The following PAN2 variants were observed in gnomAD, a reference collection of about 807,000 sequenced individuals.
PAN2 encodes PAN2-PAN3 deadenylation complex catalytic subunit PAN2.
In PAN2, 68 loss-of-function variants were observed where a neutral mutation model predicts 133.3. The observed-to-expected ratio is 0.51, with a 90% CI of 0.42 to 0.62. The LOEUF is 0.62. PAN2 is among the 20% of genes least tolerant of loss of function. The pLI, the probability that PAN2 is intolerant of heterozygous loss-of-function variation, is 0.00. For synonymous variants in PAN2, 462 were observed against 544.6 expected, an observed-to-expected ratio of 0.85 and a Z score of 2.11; for missense variants, 1,042 against 1,500.5, an observed-to-expected ratio of 0.69 and a Z score of 5.05.
At chr12:56,330,735 C>T (rs943538953) in intron 2 of PAN2, among the ~76,000 whole-genome samples, 1 of 152,096 alleles carries the variant, frequency 6.6e-6, no homozygotes. Context: ...TCAAGCAACC[C>T]TCCCACCTTG....
Position 56,322,647 on chromosome 12 carries a change from T to C in PAN2, c.2605A>G (p.Lys869Glu), listed in dbSNP as rs1874685897. 6.2e-7 allele frequency: 1 copy of C among 1,614,004 alleles called. No homozygotes were observed. The highest frequency in any genetic ancestry group is 1.7e-5 in the Admixed American group (1 of 59,998). Reference sequence around the variant, plus strand: ...CGCTGGTGGTAGGTCTCTCCAACTTTGATGTGAGCCACCAGGCTGCCCCCT... The same window carrying C: ...CGCTGGTGGTAGGTCTCTCCAACTTCGATGTGAGCCACCAGGCTGCCCCCT... ...RTGGSLVAHIKVGETYHQRKE... is the reference protein window; with the variant it reads ...RTGGSLVAHIEVGETYHQRKE... Residue 869 changes from lysine to glutamate, a missense_variant, in exon 18 of 26, where the codon AAA becomes GAA. Coordinates refer to ENST00000440411, the MANE Select transcript of PAN2 (RefSeq NM_014871.6).
intron 4 of PAN2, 48 bp downstream of exon 4, chr12:56,328,189 CG>C (rs748874243): frequency 6.3e-7 from 1 of 1,593,040 alleles, no homozygotes; most frequent in South Asian, 1.1e-5. Context: ...ACCCTGCCCC[CG>C]CAACAACCTC....
chr12:56,323,368 G>T lies in PAN2; in HGVS notation c.2288C>A (p.Ala763Glu). 1 of 1,613,800 alleles carries T rather than the reference G, an allele frequency of 6.2e-7. No individual in the cohort carries two copies. Among genetic ancestry groups the T allele is most frequent in the Non-Finnish European group, 8.5e-7 (1 of 1,179,954 alleles). Residue 763 changes from alanine (A) to glutamate (E), a missense_variant, in exon 16 of 26, where the codon GCA (alanine) becomes GAA (glutamate). Ala to Glu is a moderately radical substitution (Grantham distance 107). This residue lies in a region of PAN2 where 908 missense variants were observed against 1,223.5 expected (regional missense o/e 0.74). Transcript: ENST00000440411. ...GATTTCCCCACCGTGTTTCTTTACT[G>T]CCATCTTGAAGGCAACCTGAACACA... is the stretch of plus-strand genomic sequence containing the variant. ...RMQAEVAFKMAVKKHGGEISK... is the reference protein window; with the variant it reads ...RMQAEVAFKMEVKKHGGEISK...
chr12:56,324,218 AG>A (rs777227815), intron 12 of PAN2, 33 bp from the exon 13 acceptor site: 1 of 1,612,096 alleles, frequency 6.2e-7, no homozygotes, highest in Non-Finnish European at 8.5e-7. Context: ...ATGCACATTG[AG>A]GAAGTTAGGA....
At position 56,322,038 on chromosome 12, in the gene PAN2, T is replaced by A. The variant is rs764998056; in HGVS notation, c.2788+40A>T. On this transcript the variant is annotated intron_variant, in intron 20 of 25. Transcript: ENST00000440411. ...CCAGATCTCACCCTGAAGCCCAATC[T>A]AAACTGTCCACACACTTGGGTCTAC... 9.9e-6 allele frequency: 11 copies of A among 1,106,898 alleles called. No individual in the cohort carries two copies. In the African/African-American group the frequency reaches 1.2e-4, roughly 12 times the overall value. 68.6% of individuals were successfully genotyped at this position (1,106,898 alleles called of 1,614,324 possible).
At position 56,329,737 on chromosome 12, in the gene PAN2, A is replaced by T. The variant is rs1025645311; in HGVS notation, c.283-1096T>A. ...GGCAGGTGGATCACTTGAGGCCAGGAGTTTGACACCAGCCTGGCCAACATG... is the reference window on the plus strand; with the variant it reads ...GGCAGGTGGATCACTTGAGGCCAGGTGTTTGACACCAGCCTGGCCAACATG... On this transcript the variant is annotated intron_variant, in intron 2 of 25. Transcript: ENST00000440411. 8.6e-5 allele frequency among the ~76,000 whole-genome samples: 13 copies of T among 150,816 alleles called. 1 individual carries two copies. Among genetic ancestry groups the T allele is most frequent in the Admixed American group, 6.6e-4 (10 of 15,112 alleles).
At chr12:56,325,736 C>G (rs1306476886) in intron 8 of PAN2, among the ~76,000 whole-genome samples, 1 of 152,202 alleles carries the variant, frequency 6.6e-6, no homozygotes. Context: ...ATTACTTCCT[C>G]TATTATAGAC....
chr12:56,324,928 C>CA (rs1013691080), intron 10 of PAN2, 81 bp downstream of exon 10: 2 of 1,537,034 alleles, frequency 1.3e-6, no homozygotes, highest in Non-Finnish European at 1.8e-6. Flanking sequence ...CTGAGGAGAC[C>CA]TGGAAAGAGC....
chr12:56,324,754 G>A (rs1487866405), intron 10 of PAN2, 45 bp from the exon 11 acceptor site: 3 of 1,589,454 alleles, frequency 1.9e-6, no homozygotes, highest in Admixed American at 1.8e-5. Context: ...CTGGCCTGGG[G>A]GTGAGGAGAA....
chr12:56,324,477 CG>C lies in PAN2; in HGVS notation c.1744del (p.Arg582GlyfsTer14). ...GDPCQGNNFLRAFRTIPEASA... is the reference protein window; with the variant it reads ...GDPCQGNNFLXAFRTIPEASA... ...GGCCTCAGGAATAGTACGGAATGCC[CG>C]AAGAAAATTATTGCCCTGGAAATGT... On this transcript the variant is annotated frameshift_variant, in exon 12 of 26. Coordinates refer to ENST00000440411, the MANE Select transcript of PAN2 (RefSeq NM_014871.6). LOFTEE classifies it high-confidence loss of function. The C allele has an allele frequency of 6.2e-7, 1 of 1,613,422 alleles. No individual in the cohort carries two copies. The highest frequency in any genetic ancestry group is 8.5e-7 in the Non-Finnish European group (1 of 1,179,522).
intron 5 of PAN2, 133 bp downstream of exon 5, chr12:56,327,862 T>C: frequency 6.9e-7 from 1 of 1,445,270 alleles, no homozygotes; most frequent in East Asian, 2.4e-5. Context: ...CATCACTGAG[T>C]AGGAAGTGAA....
chr12:56,321,986 C>T, intron 20 of PAN2, 92 bp downstream of exon 20: 1 of 657,790 alleles, frequency 1.5e-6, no homozygotes, highest in Non-Finnish European at 2.8e-6. Flanking sequence ...CACTGGTTAC[C>T]AATCCTAAGT....
At chr12:56,320,432 GT>G (rs1466790057) in intron 20 of PAN2, among the ~76,000 whole-genome samples, 1 of 152,142 alleles carries the variant, frequency 6.6e-6, no homozygotes, top group Non-Finnish European at 1.5e-5. Flanking sequence ...GAGGTCAGGA[GT>G]TTGAGACCAG....
At chr12:56,326,466 C>T in intron 7 of PAN2, 57 bp from the exon 8 acceptor site, 1 of 1,531,472 alleles carries the variant, frequency 6.5e-7, no homozygotes, top group South Asian at 1.2e-5. Context: ...TGGTCCACTC[C>T]CCAATCCCCA....
rs756790140 is a variant in PAN2 at position 56,327,516 on chromosome 12, C to G, written c.767G>C (p.Ser256Thr). ...GTCGCAGGCCAGGCCAGTGAGGCGG[C>G]TGGAGAAGCCACAGGCAGCTAGCAG... is the stretch of plus-strand genomic sequence containing the variant. ...GNLLAACGFS[S>T]RLTGLACDRF... Residue 256 changes from serine (S) to threonine (T), a missense_variant, in exon 6 of 26, where the codon AGC (serine) becomes ACC (threonine). Physicochemically the swap from Ser to Thr is moderately conservative, Grantham distance 58. Transcript: ENST00000440411. 12 of 1,614,090 alleles carry G rather than the reference C, an allele frequency of 7.4e-6. No individual in the cohort carries two copies. In the African/African-American group the frequency reaches 1.5e-4, roughly 20 times the overall value.
At chr12:56,322,574 G>T (rs368693027) in intron 18 of PAN2, 41 bp downstream of exon 18, 1 of 1,611,880 alleles carries the variant, frequency 6.2e-7, no homozygotes, top group African/African-American at 1.3e-5. Context: ...ACTCACTGTG[G>T]CCATCCCAGG....
intron 2 of PAN2, among the ~76,000 whole-genome samples, chr12:56,331,437 C>T (rs1875828315): frequency 6.6e-6 from 1 of 152,210 alleles, no homozygotes. Flanking sequence ...TCTGACTATT[C>T]TCCATCCTGT....
rs575600657 is a variant in PAN2, at chr12:56,324,399, T to C, written c.1823A>G (p.Asn608Ser). 46 of 1,614,112 alleles carry C rather than the reference T, an allele frequency of 2.8e-5. No homozygotes were observed. Among genetic ancestry groups the C allele is most frequent in the Middle Eastern group, 1.6e-4 (1 of 6,062 alleles). The change falls in exon 12 of 26, where the codon AAT (asparagine) becomes AGT (serine). Residue 608 changes from asparagine to serine, a missense_variant. Physicochemically the swap from Asn to Ser is conservative, Grantham distance 46. Coordinates refer to ENST00000440411, the MANE Select transcript of PAN2 (RefSeq NM_014871.6). ...ADSDEASGKGNLARLIQRWNR... is the reference protein window; with the variant it reads ...ADSDEASGKGSLARLIQRWNR... ...CCACCTCTGAATGAGCCTGGCCAGA[T>C]TGCCCTTGCCTGAGGCCTCATCTGA...
chr12:56,327,026 C>A (rs1352997468), intron 6 of PAN2, 67 bp from the exon 7 acceptor site: 4 of 1,300,782 alleles, frequency 3.1e-6, no homozygotes, highest in Non-Finnish European at 4.3e-6. Flanking sequence ...TATGCCCTTC[C>A]TATCCTCTTC....
Sources: allele counts gnomAD v4.1 joint callset (sites outside exome capture counted in the v4.1 genomes callset), GRCh38; gene constraint gnomAD v4.1.1; regional missense constraint gnomAD v4.1.1; transcripts MANE v1.5; gene names NCBI Gene and HGNC (gene_info 2026-07-23, HGNC 2026-07-21).